The following MYH13 variants were observed in gnomAD, a reference collection of about 807,000 sequenced individuals.
MYH13 encodes the protein myosin heavy chain 13, also known as myosin-13.
MYH13 carries 177 observed loss-of-function variants against 232.1 expected under a neutral mutation model. The ratio of observed to expected loss-of-function variants is 0.76; its 90% CI spans 0.67 to 0.86. MYH13 has a LOEUF of 0.86. Ranked by LOEUF, MYH13 falls within the 40% of genes least tolerant of loss-of-function variation. The pLI is 0.00. For missense variants in MYH13, 2,246 were observed against 2,405.9 expected (o/e 0.93, Z 1.39); for synonymous variants, 884 against 923.5 (o/e 0.96, Z 0.78).
chr17:10,322,627 G>GTTTTTTTTTTTTTTTTTTTTTTTTTT (rs1470854182), intron 23 of MYH13, among the ~76,000 whole-genome samples: 1 of 130,850 alleles, frequency 7.6e-6, no homozygotes, highest in Non-Finnish European at 1.6e-5. Context: ...CAATGTTACA[G>GTTTTTTTTTTTTTTTTTTTTTTTTTT]TTGTTTTTTT....
At position 10,364,415 on chromosome 17, in the gene MYH13, A is replaced by C; in HGVS notation, c.116T>G (p.Phe39Cys). Reference sequence around the variant, plus strand: ...ATACATTTCCTTATTATCCGCTACAAAGCAGGCTTTCTTGGAATCGAATGG... The same window carrying C: ...ATACATTTCCTTATTATCCGCTACACAGCAGGCTTTCTTGGAATCGAATGG... Reference protein sequence around the residue: ...NRPFDSKKACFVADNKEMYVK... With the variant: ...NRPFDSKKACCVADNKEMYVK... The change falls in exon 3 of 41, where the codon TTT becomes TGT. Residue 39 changes from phenylalanine to cysteine, a missense_variant. Transcript: ENST00000252172. 1 of 1,613,790 alleles carries C rather than the reference A, an allele frequency of 6.2e-7. No homozygotes were observed. Among genetic ancestry groups the C allele is most frequent in the South Asian group, 1.1e-5 (1 of 91,012 alleles).
chr17:10,338,166 C>G (rs1295145999), intron 18 of MYH13, among the ~76,000 whole-genome samples: 1 of 152,200 alleles, frequency 6.6e-6, no homozygotes, highest in Non-Finnish European at 1.5e-5. Flanking sequence ...AGTCAGGCCA[C>G]AAGCATGTTT....
chr17:10,332,051 C>T (rs777494505), intron 20 of MYH13, 48 bp downstream of exon 20: 4 of 1,609,928 alleles, frequency 2.5e-6, no homozygotes. Flanking sequence ...AAGAAGCAGC[C>T]CAGGGCTGTG....
intron 27 of MYH13, among the ~76,000 whole-genome samples, chr17:10,318,520 T>G (rs1906797208): frequency 6.6e-6 from 1 of 152,188 alleles, no homozygotes; most frequent in Non-Finnish European, 1.5e-5. Flanking sequence ...TGCTGGCACT[T>G]TGATCTTGGA....
At chr17:10,365,765 C>G (rs566840806) in intron 2 of MYH13, among the ~76,000 whole-genome samples, 2 of 151,982 alleles carry the variant, frequency 1.3e-5, no homozygotes, top group Non-Finnish European at 2.9e-5. Context: ...GGTCTCTAAA[C>G]TTTGTGCGTG....
intron 37 of MYH13, among the ~76,000 whole-genome samples, chr17:10,305,826 AG>A (rs1287027040): frequency 2.4e-4 from 36 of 152,360 alleles, no homozygotes; most frequent in African/African-American, 7.9e-4. Context: ...AAGAAAGAGC[AG>A]GGATGTCCAG....
In MYH13 at chr17:10,306,502, G is replaced by T. The variant is rs182969555; in HGVS notation, c.5423C>A (p.Ala1808Glu). The part of the protein sequence containing the change: ...QHRLDEAEQL[A>E]LKGGKKQIQK... ...GATCTGCTTCTTCCCGCCCTTCAGC[G>T]CCAGTTGTTCAGCCTCATCTAGACG... The change falls in exon 37 of 41, where the codon GCG (alanine) becomes GAG (glutamate). Residue 1808 changes from alanine to glutamate, a missense_variant. By Grantham distance (107) the Ala-to-Glu change is moderately radical (BLOSUM62 -1). Coordinates refer to ENST00000252172, the MANE Select transcript of MYH13 (RefSeq NM_003802.3). This position sits in a 1 kb window ranked among gnomAD's most constrained non-coding sequence, Gnocchi z 4.3. 3.1e-6 allele frequency: 5 copies of T among 1,613,966 alleles called. No individual in the cohort carries two copies. The East Asian group carries it at 1.1e-4, about 36-fold the overall frequency.
intron 5 of MYH13, among the ~76,000 whole-genome samples, chr17:10,361,134 C>G (rs2071789183): frequency 6.6e-6 from 1 of 152,148 alleles, no homozygotes; most frequent in Admixed American, 6.5e-5. Context: ...TTAGTCTTCC[C>G]TTTAAAATTA....
At position 10,328,019 on chromosome 17, in the gene MYH13, A is replaced by C. The variant is rs958930265; in HGVS notation, c.2538T>G (p.Ser846Arg). ...TGGCCATCTCCTTCTCGGCCTCTGC[A>C]CTCTTCAGCAGGGGCTTGATTTTGA... ...LFFKIKPLLK[S>R]AEAEKEMATM... The change falls in exon 22 of 41, where the codon AGT becomes AGG. Residue 846 changes from serine to arginine, a missense_variant. Coordinates refer to ENST00000252172, the MANE Select transcript of MYH13 (RefSeq NM_003802.3). 4.7e-5 allele frequency: 76 copies of C among 1,613,794 alleles called. No homozygotes were observed. Among genetic ancestry groups the C allele is most frequent in the Non-Finnish European group, 6.3e-5 (74 of 1,179,982 alleles).
At chr17:10,367,712 G>T (rs949176887) in intron 2 of MYH13, among the ~76,000 whole-genome samples, 1 of 152,202 alleles carries the variant, frequency 6.6e-6, no homozygotes, top group Non-Finnish European at 1.5e-5. Flanking sequence ...GAGAAGGGTA[G>T]TGTTTTCATT....
rs1202538475 is a variant in MYH13, at chr17:10,362,256, A to C, written c.367T>G (p.Cys123Gly). The C allele has an allele frequency of 6.2e-7, 1 of 1,613,712 alleles. No homozygotes were observed. Among genetic ancestry groups the C allele is most frequent in the South Asian group, 1.1e-5 (1 of 91,080 alleles). ...WMIYTYSGLF[C>G]VTVNPYKWLP... The stretch of plus-strand genomic sequence containing the variant: ...CACTTGTAGGGGTTGACGGTGACAC[A>C]GAAGAGGCCTGAGTAGGTCTGGGAA... Residue 123 changes from cysteine to glycine, a missense_variant, in exon 5 of 41, where the codon TGT becomes GGT. Transcript: ENST00000252172.
intron 18 of MYH13, among the ~76,000 whole-genome samples, chr17:10,338,003 A>T (rs1391795544): frequency 1.3e-5 from 2 of 152,128 alleles, no homozygotes; most frequent in Non-Finnish European, 2.9e-5. Context: ...CAGTGAGCCG[A>T]GATCGTGCCA....
Position 10,324,183 on chromosome 17 carries a change from C to T in MYH13, c.2773G>A (p.Glu925Lys), listed in dbSNP as rs761218756. The T allele has an allele frequency of 1.1e-5, 18 of 1,613,822 alleles. No individual in the cohort carries two copies. The highest frequency in any genetic ancestry group is 4.0e-5 in the African/African-American group (3 of 74,908). The change falls in exon 23 of 41, where the codon GAG (glutamate) becomes AAG (lysine). Residue 925 changes from glutamate (E) to lysine (K), a missense_variant. Glu to Lys is a moderately conservative substitution (Grantham distance 56, BLOSUM62 1). Transcript: ENST00000252172. ...TCCTCTTCCAATCTCTCCGTCAGCTCCTTGACTTTTGCTTCCAGTAGGATC... is the reference window on the plus strand; with the variant it reads ...TCCTCTTCCAATCTCTCCGTCAGCTTCTTGACTTTTGCTTCCAGTAGGATC... The part of the protein sequence containing the change: ...SKILLEAKVK[E>K]LTERLEEEEE...
intron 19 of MYH13, 77 bp from the exon 20 acceptor site, chr17:10,332,299 T>C (rs1797878968): frequency 3.8e-6 from 6 of 1,568,140 alleles, no homozygotes; most frequent in African/African-American, 1.4e-5. Flanking sequence ...TTCTAGAATC[T>C]TCTCCTGCTC....
chr17:10,358,380 G>C (rs1871282601), intron 7 of MYH13, among the ~76,000 whole-genome samples: 1 of 152,032 alleles, frequency 6.6e-6, no homozygotes, highest in African/African-American at 2.4e-5. Flanking sequence ...TATCCTTCTG[G>C]GTCCAGAGCA....
intron 16 of MYH13, 32 bp downstream of exon 16, chr17:10,343,768 C>T: frequency 6.4e-7 from 1 of 1,551,060 alleles, no homozygotes; most frequent in Non-Finnish European, 8.7e-7. Context: ...CATAGAACGT[C>T]CCACAGAGGG....
chr17:10,314,298 C>T (rs1007233090), intron 29 of MYH13, among the ~76,000 whole-genome samples: 3 of 151,964 alleles, frequency 2.0e-5, no homozygotes, highest in African/African-American at 7.3e-5. Context: ...GCACGTAATC[C>T]CAGCTACTTG....
At chr17:10,301,482 C>T (rs1906087410) in intron 40 of MYH13, 87 bp downstream of exon 40, 1 of 1,573,720 alleles carries the variant, frequency 6.4e-7, no homozygotes, top group East Asian at 2.2e-5. Context: ...TATCTGGCCT[C>T]CCACACTCAG....
rs1226993379 is a variant in MYH13 at position 10,323,778 on chromosome 17, AAAAAAAAAAAAG to A, written c.2934+232_2934+243del. Among the ~76,000 whole-genome samples the A allele has an allele frequency of 4.6e-3, 400 of 87,580 alleles. 2 individuals carry two copies. The highest frequency in any genetic ancestry group is 0.015 in the African/African-American group (330 of 22,046). 57.5% of individuals were successfully genotyped at this position (87,580 alleles called of 152,430 possible). ...ACTCCATCTCACAAAAAAAAAAAAA[AAAAAAAAAAAAG>A]AAGAAGAAGAAGAAGAAGAAGAAGA... On this transcript the variant is annotated intron_variant, in intron 23 of 40. Transcript: ENST00000252172.
Sources: allele counts gnomAD v4.1 joint callset (sites outside exome capture counted in the v4.1 genomes callset), GRCh38; gene constraint gnomAD v4.1.1; non-coding constraint Gnocchi (gnomAD v3.1); transcripts MANE v1.5; gene names NCBI Gene and HGNC (gene_info 2026-07-23, HGNC 2026-07-21).